Variants in PRKG1 observed in about 807,000 individuals in gnomAD.
The protein encoded by PRKG1 is protein kinase cGMP-dependent 1.
Under a neutral mutation model 88.1 loss-of-function variants are expected in PRKG1, and 35 were observed. The ratio of observed to expected loss-of-function variants is 0.40; its 90% CI spans 0.30 to 0.53. The LOEUF is 0.53. Ranked by LOEUF, PRKG1 falls within the 20% of genes least tolerant of loss-of-function variation. The probability of loss-of-function intolerance (pLI) is 0.59; values close to 1 mark genes in which losing one functional copy is unlikely to be tolerated. For missense variants in PRKG1, 540 were observed against 839.8 expected (o/e 0.64, Z 4.41); for synonymous variants, 303 against 292.5 (o/e 1.04, Z -0.37).
intron 3 of PRKG1, among the ~76,000 whole-genome samples, chr10:51,720,186 G>A (rs924174322): frequency 6.6e-6 from 1 of 152,066 alleles, no homozygotes; most frequent in East Asian, 1.9e-4. Flanking sequence ...CCCTTAAAGT[G>A]TAATAGAGAC....
intron 2 of PRKG1, among the ~76,000 whole-genome samples, chr10:51,240,336 G>A (rs78255411): frequency 0.022 from 3,355 of 152,124 alleles, 126 homozygotes; most frequent in African/African-American, 0.077. Context: ...ACATACCTTT[G>A]TTTGTGAGAT....
intron 1 of PRKG1, among the ~76,000 whole-genome samples, chr10:51,011,365 C>G (rs531772629): frequency 6.6e-6 from 1 of 152,082 alleles, no homozygotes; most frequent in Non-Finnish European, 1.5e-5. Context: ...CAGAATGTCT[C>G]CAGACACCAC....
intron 3 of PRKG1, among the ~76,000 whole-genome samples, chr10:51,502,592 G>A (rs1282604314): frequency 2.0e-5 from 3 of 152,110 alleles, no homozygotes; most frequent in South Asian, 2.1e-4. Context: ...TTTAATAGTG[G>A]TGTAACCTTG....
intron 3 of PRKG1, among the ~76,000 whole-genome samples, chr10:51,764,059 G>A (rs1405253083): frequency 6.6e-6 from 1 of 152,144 alleles, no homozygotes; most frequent in Non-Finnish European, 1.5e-5. Flanking sequence ...CTGCCACATT[G>A]AGAATTAAGT....
intron 5 of PRKG1, among the ~76,000 whole-genome samples, chr10:52,032,890 G>C (rs1042749164): frequency 1.3e-5 from 2 of 152,162 alleles, no homozygotes; most frequent in Non-Finnish European, 2.9e-5. Context: ...TTTTAGTAGT[G>C]TGTGTCTGCA....
At chr10:52,215,354 A>T (rs1455996715) in intron 9 of PRKG1, among the ~76,000 whole-genome samples, 1 of 150,910 alleles carries the variant, frequency 6.6e-6, no homozygotes, top group Non-Finnish European at 1.5e-5. Flanking sequence ...AGATCAGGCC[A>T]TTGCACTCCA....
rs532768240 is a variant in PRKG1, at chr10:51,591,676, TA to T, written c.592+123845del. 5.9e-5 allele frequency among the ~76,000 whole-genome samples: 9 copies of T among 152,292 alleles called. No homozygotes were observed. The South Asian group carries it at 1.7e-3, about 28-fold the overall frequency. On this transcript the variant is annotated intron_variant, in intron 3 of 17. Coordinates refer to ENST00000373980, the MANE Select transcript of PRKG1 (RefSeq NM_006258.4). ...GGGGTTGTTAAAAAAGCATCTTCCG[TA>T]AAAACTTATCTGAGATAATCTTTCG...
chr10:52,228,386 AACT>A (rs1840442394), intron 9 of PRKG1, among the ~76,000 whole-genome samples: 1 of 152,150 alleles, frequency 6.6e-6, no homozygotes, highest in African/African-American at 2.4e-5. Context: ...AGGAGACCTG[AACT>A]AAAGGAGAGG....
chr10:51,470,846 C>A (rs1464440174), intron 3 of PRKG1, among the ~76,000 whole-genome samples: 4 of 151,838 alleles, frequency 2.6e-5, no homozygotes, highest in Non-Finnish European at 5.9e-5. Context: ...TAGTTTGAAG[C>A]AAGCTCTTTG....
intron 4 of PRKG1, among the ~76,000 whole-genome samples, chr10:51,831,328 A>G (rs1840001259): frequency 6.6e-6 from 1 of 152,092 alleles, no homozygotes; most frequent in Non-Finnish European, 1.5e-5. Flanking sequence ...ACTACAGGAA[A>G]GCATGAAGGC....
chr10:51,544,598 A>T (rs1448971200), intron 3 of PRKG1, among the ~76,000 whole-genome samples: 1 of 152,078 alleles, frequency 6.6e-6, no homozygotes, highest in African/African-American at 2.4e-5. Context: ...GTCAAATGGT[A>T]TTTCTAGTTC....
At chr10:51,904,053 G>A (rs200710540) in intron 4 of PRKG1, among the ~76,000 whole-genome samples, 2 of 151,968 alleles carry the variant, frequency 1.3e-5, no homozygotes, top group Admixed American at 1.3e-4. Flanking sequence ...ATTGTAAGTC[G>A]TTGCTACATT....
chr10:51,347,367 G>A (rs1364283518), intron 2 of PRKG1, among the ~76,000 whole-genome samples: 2 of 152,270 alleles, frequency 1.3e-5, no homozygotes, highest in East Asian at 3.9e-4. Flanking sequence ...AAGGCATTAG[G>A]TATCAATAGA....
chr10:51,344,939 T>C (rs1477458213), intron 2 of PRKG1, among the ~76,000 whole-genome samples: 1 of 152,222 alleles, frequency 6.6e-6, no homozygotes, highest in African/African-American at 2.4e-5. Context: ...TTCTTCAGTT[T>C]TGCTTGTAAA....
At chr10:51,477,444 G>A (rs1282027908) in intron 3 of PRKG1, among the ~76,000 whole-genome samples, 1 of 151,624 alleles carries the variant, frequency 6.6e-6, no homozygotes, top group Non-Finnish European at 1.5e-5. Context: ...GAATAGTTCC[G>A]AGCATTTGTG....
intron 8 of PRKG1, among the ~76,000 whole-genome samples, chr10:52,146,358 G>A (rs549639358): frequency 8.5e-5 from 13 of 152,158 alleles, no homozygotes; most frequent in East Asian, 3.9e-4. Flanking sequence ...TTTCTCCTGC[G>A]TTGTCTACAT....
intron 2 of PRKG1, among the ~76,000 whole-genome samples, chr10:51,233,680 T>A (rs1589265515): frequency 1.3e-5 from 2 of 152,322 alleles, no homozygotes; most frequent in Middle Eastern, 6.8e-3. Context: ...AGGACTCAGA[T>A]AAATGCATGT....
intron 3 of PRKG1, among the ~76,000 whole-genome samples, chr10:51,590,993 G>A (rs1838298383): frequency 6.6e-6 from 1 of 152,222 alleles, no homozygotes; most frequent in African/African-American, 2.4e-5. Context: ...GTTAGGGAGT[G>A]TACTGGACAT....
At chr10:51,787,004 A>G (rs1258777080) in intron 3 of PRKG1, among the ~76,000 whole-genome samples, 1 of 152,134 alleles carries the variant, frequency 6.6e-6, no homozygotes, top group Non-Finnish European at 1.5e-5. Flanking sequence ...AAATCAGTAA[A>G]ATATTGATCT....
Sources: allele counts gnomAD v4.1 joint callset (sites outside exome capture counted in the v4.1 genomes callset), GRCh38; gene constraint gnomAD v4.1.1; transcripts MANE v1.5; gene names NCBI Gene and HGNC (gene_info 2026-07-23, HGNC 2026-07-21).